Variants in CAMTA1 observed in about 807,000 individuals in gnomAD.
CAMTA1 encodes calmodulin-binding transcription activator 1.
In CAMTA1, 27 loss-of-function variants were observed where a neutral mutation model predicts 170.9. That is an observed-to-expected ratio of 0.16 (90% CI 0.12 to 0.22). The LOEUF (loss-of-function observed/expected upper bound fraction) is 0.22. Ranked by LOEUF, CAMTA1 falls within the 10% of genes least tolerant of loss-of-function variation. CAMTA1 has a pLI of 1.00. For synonymous variants in CAMTA1, 833 were observed against 891.5 expected (o/e 0.93, Z 1.17); for missense variants, 1,619 against 2,217.2 (o/e 0.73, Z 5.42).
At chr1:7,240,518 CT>C (rs759906051) in intron 4 of CAMTA1, among the ~76,000 whole-genome samples, 2,988 of 125,532 alleles carry the variant, frequency 0.024, 89 homozygotes, top group African/African-American at 0.066. Flanking sequence ...GTTCCAGAGT[CT>C]TTTTTTTTTT....
intron 11 of CAMTA1, among the ~76,000 whole-genome samples, chr1:7,723,801 A>G (rs1250344125): frequency 6.6e-6 from 1 of 152,228 alleles, no homozygotes; most frequent in African/African-American, 2.4e-5. Flanking sequence ...CCTGACCAGT[A>G]TTCTTCAAAA....
At position 7,286,715 on chromosome 1, in the gene CAMTA1, C is replaced by A. The variant is rs1672398594; in HGVS notation, c.438+37089C>A. Among the ~76,000 whole-genome samples, 1 of 152,188 alleles carries A rather than the reference C, an allele frequency of 6.6e-6. No individual in the cohort carries two copies. The highest frequency in any genetic ancestry group is 2.4e-5 in the African/African-American group (1 of 41,442). ...GGGTCTTAAATGACCCCAAATATCC[C>A]TGCCTAACAGTCAACAAGTTAGAGA... On this transcript the variant is annotated intron_variant, in intron 5 of 22. Coordinates refer to ENST00000303635, the MANE Select transcript of CAMTA1 (RefSeq NM_015215.4). The surrounding 1 kb of genome is among the most constrained non-coding windows in gnomAD (Gnocchi z 4.2).
chr1:6,842,064 C>T (rs1655965031), intron 3 of CAMTA1, among the ~76,000 whole-genome samples: 1 of 152,208 alleles, frequency 6.6e-6, no homozygotes, highest in Non-Finnish European at 1.5e-5. Context: ...TCCTCTCCTG[C>T]CCCCCAACCA....
chr1:7,480,386 C>T (rs948906631), intron 6 of CAMTA1, among the ~76,000 whole-genome samples: 6 of 148,258 alleles, frequency 4.0e-5, no homozygotes, highest in African/African-American at 1.0e-4. Flanking sequence ...CCTGCATGTG[C>T]GTATATGAGA....
At position 7,459,608 on chromosome 1, in the gene CAMTA1, C is replaced by G. The variant is rs546475719; in HGVS notation, c.439-8222C>G. Reference sequence around the variant, plus strand: ...CCTGCCCTTGGACATCAGCGTAGCACACTCAGGCCCTGCTTCTGCTGACAG... The same window carrying G: ...CCTGCCCTTGGACATCAGCGTAGCAGACTCAGGCCCTGCTTCTGCTGACAG... On this transcript the variant is annotated intron_variant, in intron 5 of 22. Coordinates refer to ENST00000303635, the MANE Select transcript of CAMTA1 (RefSeq NM_015215.4). Among the ~76,000 whole-genome samples the G allele has an allele frequency of 9.1e-4, 139 of 152,344 alleles. 1 individual carries two copies. Among genetic ancestry groups the G allele is most frequent in the African/African-American group, 3.3e-3 (137 of 41,580 alleles).
chr1:7,580,752 C>T lies in CAMTA1; in HGVS notation c.511-59648C>T, dbSNP rs2095253545. 6.6e-6 allele frequency among the ~76,000 whole-genome samples: 1 copy of T among 152,120 alleles called. No homozygotes were observed. The highest frequency in any genetic ancestry group is 1.5e-5 in the Non-Finnish European group (1 of 68,018). On this transcript the variant is annotated intron_variant, in intron 6 of 22. Transcript: ENST00000303635. The surrounding 1 kb of genome is among the most constrained non-coding windows in gnomAD (Gnocchi z 4.3). ...GGGCTGCCGGTCGGAGGGAACTTGG[C>T]ATTTGACTCTGGCTTTGGAGGGTTT...
chr1:7,447,718 A>C (rs2092715671), intron 5 of CAMTA1, among the ~76,000 whole-genome samples: 1 of 151,962 alleles, frequency 6.6e-6, no homozygotes, highest in Non-Finnish European at 1.5e-5. Context: ...GAGTGCTTTC[A>C]CTGGCCCTGG....
At chr1:6,923,769 A>C (rs2149334712) in intron 3 of CAMTA1, among the ~76,000 whole-genome samples, 1 of 152,302 alleles carries the variant, frequency 6.6e-6, no homozygotes, top group Middle Eastern at 3.4e-3. Flanking sequence ...TATGTCAGGC[A>C]CGCCTCTAGA....
At chr1:6,944,549 CT>C (rs1216481517) in intron 3 of CAMTA1, among the ~76,000 whole-genome samples, 2 of 152,182 alleles carry the variant, frequency 1.3e-5, no homozygotes, top group Non-Finnish European at 2.9e-5. Flanking sequence ...CTCCTGTCCC[CT>C]CTGCCTGGAC....
rs879883766 is a variant in CAMTA1, at chr1:7,058,171, GCA to G, written c.235-33132_235-33131del. On this transcript the variant is annotated intron_variant, in intron 3 of 22. Coordinates refer to ENST00000303635, the MANE Select transcript of CAMTA1 (RefSeq NM_015215.4). ...CTCAGGACCCTTTCCCCAGCACCCC[GCA>G]TCACGACGCATCTAGAATGTCCAGG... 6.5e-3 allele frequency among the ~76,000 whole-genome samples: 989 copies of G among 152,102 alleles called. 11 individuals carry two copies. The highest frequency in any genetic ancestry group is 0.02 in the Middle Eastern group (6 of 294).
intron 11 of CAMTA1, among the ~76,000 whole-genome samples, chr1:7,715,485 T>C (rs1241081226): frequency 2.0e-5 from 3 of 150,742 alleles, no homozygotes; most frequent in Non-Finnish European, 4.4e-5. Context: ...CAGACTGGAA[T>C]GCAGTGGCAC....
At chr1:7,273,885 TG>T (rs1197719416) in intron 5 of CAMTA1, among the ~76,000 whole-genome samples, 1 of 152,192 alleles carries the variant, frequency 6.6e-6, no homozygotes, top group Non-Finnish European at 1.5e-5. Context: ...CTTACATTTT[TG>T]GTGAAGTGCT....
At chr1:7,578,640 G>A (rs985778043) in intron 6 of CAMTA1, among the ~76,000 whole-genome samples, 5 of 152,210 alleles carry the variant, frequency 3.3e-5, no homozygotes, top group Admixed American at 6.5e-5. Context: ...ACAGAAAACC[G>A]CAGGCTGGGT....
At chr1:6,806,099 C>A (rs908756614) in intron 1 of CAMTA1, among the ~76,000 whole-genome samples, 33 of 152,198 alleles carry the variant, frequency 2.2e-4, no homozygotes, top group African/African-American at 7.9e-4. Flanking sequence ...GTTGTCCTAG[C>A]CCATTTGTTG....
intron 4 of CAMTA1, among the ~76,000 whole-genome samples, chr1:7,123,286 C>T (rs879201578): frequency 1.8e-4 from 27 of 152,138 alleles, no homozygotes; most frequent in African/African-American, 5.1e-4. Context: ...GTCTCTTTCT[C>T]GTGTCTTCAT....
At position 6,864,069 on chromosome 1, in the gene CAMTA1, ACAT is replaced by A. The variant is rs562106592; in HGVS notation, c.234+38863_234+38865del. On this transcript the variant is annotated intron_variant, in intron 3 of 22. Transcript: ENST00000303635. ...ACAGCGGCAAAGTACCATTCTCATC[ACAT>A]CATATCAAGGGTACCTGCTCTCAAC... 8.1e-4 allele frequency among the ~76,000 whole-genome samples: 124 copies of A among 152,280 alleles called. 2 individuals carry two copies. The South Asian group carries it at 0.02, about 25-fold the overall frequency.
intron 1 of CAMTA1, among the ~76,000 whole-genome samples, chr1:6,801,617 G>T (rs1389085560): frequency 1.3e-5 from 2 of 152,092 alleles, no homozygotes; most frequent in Non-Finnish European, 1.5e-5. Context: ...TCACTAAATT[G>T]TATGCTCAAA....
At chr1:7,354,850 C>G (rs2084973073) in intron 5 of CAMTA1, among the ~76,000 whole-genome samples, 1 of 152,064 alleles carries the variant, frequency 6.6e-6, no homozygotes, top group Admixed American at 6.6e-5. Context: ...TGCTTGTTGG[C>G]TATGTGTATG....
intron 3 of CAMTA1, among the ~76,000 whole-genome samples, chr1:7,012,713 A>T (rs1448459994): frequency 6.6e-6 from 1 of 151,224 alleles, no homozygotes; most frequent in Non-Finnish European, 1.5e-5. Context: ...TCCTCTCACC[A>T]CTGGGGCTGC....
Sources: gnomAD v4.1 joint callset for allele counts (sites outside exome capture counted in the v4.1 genomes callset) on GRCh38, gnomAD v4.1.1 for gene constraint, Gnocchi (gnomAD v3.1) non-coding constraint, MANE v1.5 for transcripts, NCBI Gene and HGNC (gene_info 2026-07-23, HGNC 2026-07-21) for gene names.